CTNNA2: variants seen among roughly 807,000 people sequenced by gnomAD.
The protein encoded by CTNNA2 is catenin alpha 2.
A neutral mutation model predicts 101.0 loss-of-function variants in CTNNA2; 42 were observed. The observed-to-expected ratio is 0.42, with a 90% CI of 0.32 to 0.54. The LOEUF is 0.54. Ranked by LOEUF, CTNNA2 falls within the 20% of genes least tolerant of loss-of-function variation. The pLI, the probability that CTNNA2 is intolerant of heterozygous loss-of-function variation, is 0.14. For missense variants in CTNNA2, 871 were observed against 1,223.1 expected (o/e 0.71, Z 4.29); for synonymous variants, 450 against 456.4 (o/e 0.99, Z 0.18).
At chr2:79,753,130 C>T (rs1347156290) in intron 3 of CTNNA2, among the ~76,000 whole-genome samples, 1 of 152,132 alleles carries the variant, frequency 6.6e-6, no homozygotes, top group African/African-American at 2.4e-5. Flanking sequence ...CTGTGTGGAT[C>T]TCCCGTACAT....
chr2:79,553,696 A>G (rs940072066), intron 1 of CTNNA2, among the ~76,000 whole-genome samples: 1 of 152,192 alleles, frequency 6.6e-6, no homozygotes, highest in Non-Finnish European at 1.5e-5. Flanking sequence ...GAACTCACTC[A>G]CTATCATGAG....
Position 79,918,440 on chromosome 2 carries a change from G to A in CTNNA2, c.1056+8643G>A, listed in dbSNP as rs577787870. Reference sequence around the variant, plus strand: ...CCCAGCTAGATGGCCAGCTAGATTAGGGGCCTCAGCAGAAAGTCTGGATTC... The same window carrying A: ...CCCAGCTAGATGGCCAGCTAGATTAAGGGCCTCAGCAGAAAGTCTGGATTC... On this transcript the variant is annotated intron_variant, in intron 7 of 18. Coordinates refer to ENST00000402739, the MANE Select transcript of CTNNA2 (RefSeq NM_001282597.3). Among the ~76,000 whole-genome samples, 4 of 152,310 alleles carry A rather than the reference G, an allele frequency of 2.6e-5. No homozygotes were observed. In the South Asian group the frequency reaches 8.3e-4, roughly 32 times the overall value.
intron 7 of CTNNA2, among the ~76,000 whole-genome samples, chr2:80,387,855 T>C (rs536196040): frequency 2.0e-5 from 3 of 152,322 alleles, no homozygotes; most frequent in Admixed American, 1.3e-4. Flanking sequence ...TTAATAAACA[T>C]GCATCTCCCT....
intron 7 of CTNNA2, among the ~76,000 whole-genome samples, chr2:80,101,534 C>A (rs1013393729): frequency 6.6e-6 from 1 of 152,134 alleles, no homozygotes; most frequent in Non-Finnish European, 1.5e-5. Context: ...CAAGTCTATG[C>A]GTGATAGCCT....
intron 1 of CTNNA2, among the ~76,000 whole-genome samples, chr2:79,620,040 C>G (rs562052836): frequency 4.6e-5 from 7 of 152,052 alleles, no homozygotes; most frequent in Non-Finnish European, 1.0e-4. Context: ...AAAATGAGTG[C>G]GATAGATTCT....
intron 2 of CTNNA2, among the ~76,000 whole-genome samples, chr2:79,713,486 G>T (rs149572835): frequency 9.2e-5 from 14 of 152,222 alleles, no homozygotes; most frequent in African/African-American, 3.4e-4. Context: ...TTCTGTGCTG[G>T]GAATTGCTAA....
intron 2 of CTNNA2, among the ~76,000 whole-genome samples, chr2:79,269,149 G>A (rs908042485): frequency 6.6e-6 from 1 of 152,070 alleles, no homozygotes; most frequent in African/African-American, 2.4e-5. Flanking sequence ...CAGCATGAAA[G>A]GGATCCACAA....
intron 7 of CTNNA2, among the ~76,000 whole-genome samples, chr2:79,982,495 A>ACACACG (rs1691450952): frequency 1.3e-5 from 2 of 150,258 alleles, no homozygotes; most frequent in South Asian, 4.2e-4. Context: ...ACACACACAC[A>ACACACG]CACACATGCA....
At chr2:79,672,377 T>C (rs1391758289) in intron 2 of CTNNA2, among the ~76,000 whole-genome samples, 1 of 152,176 alleles carries the variant, frequency 6.6e-6, no homozygotes, top group African/African-American at 2.4e-5. Flanking sequence ...GCAAATTTAA[T>C]CAAGTTAAAT....
chr2:79,912,299 G>C (rs1038706507), intron 7 of CTNNA2, among the ~76,000 whole-genome samples: 1 of 152,234 alleles, frequency 6.6e-6, no homozygotes, highest in Admixed American at 6.5e-5. Context: ...ATGACACAGA[G>C]GGAGACAGAG....
At chr2:79,501,847 G>A (rs931367851) in intron 4 of CTNNA2, among the ~76,000 whole-genome samples, 4 of 152,128 alleles carry the variant, frequency 2.6e-5, no homozygotes, top group Non-Finnish European at 5.9e-5. Context: ...TGGGACTCTG[G>A]GGTTTGAAAT....
rs1000372073 is a variant in CTNNA2, at chr2:80,139,182, C to G, written c.1056+229385C>G. Among the ~76,000 whole-genome samples the G allele has an allele frequency of 9.9e-5, 15 of 152,144 alleles. No homozygotes were observed. In the South Asian group the frequency reaches 1.0e-3, roughly 11 times the overall value. On this transcript the variant is annotated intron_variant, in intron 7 of 18. Transcript: ENST00000402739. ...AAGATTTATCACTTGCCTCCCCAAACCTATGGATGTGCCTTTCATTAAATG... is the reference window on the plus strand; with the variant it reads ...AAGATTTATCACTTGCCTCCCCAAAGCTATGGATGTGCCTTTCATTAAATG...
At chr2:80,558,320 A>G (rs187542056) in intron 12 of CTNNA2, among the ~76,000 whole-genome samples, 2 of 152,322 alleles carry the variant, frequency 1.3e-5, no homozygotes, top group African/African-American at 4.8e-5. Context: ...AAAAAACTTC[A>G]GCTATTAACT....
intron 6 of CTNNA2, among the ~76,000 whole-genome samples, chr2:79,904,899 G>T (rs1187529522): frequency 6.6e-6 from 1 of 152,206 alleles, no homozygotes; most frequent in Non-Finnish European, 1.5e-5. Context: ...TGTGGTGAGT[G>T]CTGGTAAATG....
Position 80,637,362 on chromosome 2 carries a change from T to G in CTNNA2, c.2575-10223T>G, listed in dbSNP as rs113596778. Among the ~76,000 whole-genome samples, 814 of 151,802 alleles carry G rather than the reference T, an allele frequency of 5.4e-3. 6 individuals carry two copies. The highest frequency in any genetic ancestry group is 0.018 in the African/African-American group (750 of 41,530). The stretch of plus-strand genomic sequence containing the variant: ...AGGTAAGTTTAGTGGTTGTTCAAGA[T>G]CGTGTAGTTAGTGATCCATCCAGTC... On this transcript the variant is annotated intron_variant, in intron 18 of 18. Transcript: ENST00000402739.
chr2:80,238,116 G>T (rs1340993434), intron 7 of CTNNA2, among the ~76,000 whole-genome samples: 1 of 152,138 alleles, frequency 6.6e-6, no homozygotes, highest in African/African-American at 2.4e-5. Flanking sequence ...CCTGGCTCCA[G>T]CACTGTTCTG....
intron 3 of CTNNA2, among the ~76,000 whole-genome samples, chr2:79,764,727 T>C (rs1673021548): frequency 6.6e-6 from 1 of 152,130 alleles, no homozygotes; most frequent in African/African-American, 2.4e-5. Context: ...GACACCTGTT[T>C]CCTAGACTGA....
intron 1 of CTNNA2, among the ~76,000 whole-genome samples, chr2:79,541,604 C>T (rs1175265166): frequency 1.3e-5 from 2 of 150,786 alleles, no homozygotes; most frequent in Non-Finnish European, 3.0e-5. Context: ...AGAACATTTA[C>T]GATTTGCATT....
intron 6 of CTNNA2, among the ~76,000 whole-genome samples, chr2:79,894,106 T>A (rs1684528501): frequency 6.6e-6 from 1 of 151,166 alleles, no homozygotes; most frequent in Admixed American, 6.6e-5. Context: ...TTTCTTCCTC[T>A]TCTTCTTTTT....
Sources: gnomAD v4.1 joint callset for allele counts (sites outside exome capture counted in the v4.1 genomes callset) on GRCh38, gnomAD v4.1.1 for gene constraint, MANE v1.5 for transcripts, NCBI Gene and HGNC (gene_info 2026-07-23, HGNC 2026-07-21) for gene names.